The following NOS1 variants were observed in gnomAD, a reference collection of about 807,000 sequenced individuals.
NOS1 encodes nitric oxide synthase 1, also known as NOS type I.
Under a neutral mutation model 164.5 loss-of-function variants are expected in NOS1, and 51 were observed. That is an observed-to-expected ratio of 0.31 (90% CI 0.25 to 0.39). The LOEUF is 0.39. NOS1 is among the 10% of genes least tolerant of loss of function. The pLI is 1.00. For missense variants in NOS1, 1,362 were observed against 1,885.6 expected, an observed-to-expected ratio of 0.72 and a Z score of 5.14; for synonymous variants, 719 against 745.8, an observed-to-expected ratio of 0.96 and a Z score of 0.59.
At chr12:117,222,680 T>G (rs1204844073) in intron 26 of NOS1, 35 bp downstream of exon 26, 10 of 1,606,036 alleles carry the variant, frequency 6.2e-6, no homozygotes, top group Middle Eastern at 3.6e-4. Context: ...GCATGTGTGT[T>G]GGGCTGGGCT....
chr12:117,272,751 G>A lies in NOS1; in HGVS notation c.1665-192C>T, dbSNP rs1055997388. The stretch of plus-strand genomic sequence containing the variant: ...GGGCCTGAGAATGTGCATTTTTAAC[G>A]TATTTCTCAGGTGCTTCGGATGGAT... On this transcript the variant is annotated intron_variant, in intron 9 of 28. Coordinates refer to ENST00000317775, the MANE Select transcript of NOS1 (RefSeq NM_000620.5). This position sits in a 1 kb window ranked among gnomAD's most constrained non-coding sequence, Gnocchi z 4.3. Among the ~76,000 whole-genome samples the A allele has an allele frequency of 7.9e-5, 12 of 152,170 alleles. No individual in the cohort carries two copies. Among genetic ancestry groups the A allele is most frequent in the African/African-American group, 1.9e-4 (8 of 41,422 alleles).
chr12:117,232,187 G>A (rs527765402), intron 21 of NOS1, 56 bp from the exon 22 acceptor site: 36 of 1,558,482 alleles, frequency 2.3e-5, no homozygotes, highest in African/African-American at 5.4e-5. Context: ...AGTCCAAGTC[G>A]GGGGTTCAGG....
chr12:117,282,558 C>A (rs1200887472), intron 7 of NOS1, among the ~76,000 whole-genome samples: 1 of 152,144 alleles, frequency 6.6e-6, no homozygotes, highest in Non-Finnish European at 1.5e-5. Context: ...TCTTTCTGAG[C>A]ACGGTTTTTA....
At chr12:117,261,661 A>G (rs1021051414) in intron 13 of NOS1, among the ~76,000 whole-genome samples, 2 of 152,276 alleles carry the variant, frequency 1.3e-5, no homozygotes, top group Admixed American at 6.5e-5. Context: ...ATCTATCAAA[A>G]GAAGTTATGG....
Position 117,330,276 on chromosome 12 carries a change from A to T in NOS1, c.725+69T>A. 1 of 1,511,974 alleles carries T rather than the reference A, an allele frequency of 6.6e-7. No individual in the cohort carries two copies. 93.7% of individuals were successfully genotyped at this position (1,511,974 alleles called of 1,614,324 possible). A position where few individuals can be genotyped will look rare whatever the true frequency, so the allele number is the denominator to read the frequency against. On this transcript the variant is annotated intron_variant, in intron 2 of 28. Coordinates refer to ENST00000317775, the MANE Select transcript of NOS1 (RefSeq NM_000620.5). The surrounding 1 kb of genome is among the most constrained non-coding windows in gnomAD (Gnocchi z 4.6). ...GGGCTATGAGGCTGAGTCTCAGTAG[A>T]CGCACATGCACACACACAAGCATGC...
At chr12:117,322,754 C>CA (rs1875043099) in intron 2 of NOS1, among the ~76,000 whole-genome samples, 2 of 117,524 alleles carry the variant, frequency 1.7e-5, no homozygotes, top group Non-Finnish European at 3.6e-5. Context: ...TCCCCACTTC[C>CA]TTCCCTCCTT....
rs368224109 is a variant in NOS1, at chr12:117,240,993, A to G, written c.3041+1634T>C. Reference sequence around the variant, plus strand: ...CTCATTCCGTCGCCCAGGCTGGAGTACAGTGGTGCAACCTTGGCTCACTGC... The same window carrying G: ...CTCATTCCGTCGCCCAGGCTGGAGTGCAGTGGTGCAACCTTGGCTCACTGC... On this transcript the variant is annotated intron_variant, in intron 20 of 28. Coordinates refer to ENST00000317775, the MANE Select transcript of NOS1 (RefSeq NM_000620.5). Among the ~76,000 whole-genome samples the G allele has an allele frequency of 4.8e-5, 7 of 146,242 alleles. No individual in the cohort carries two copies. The South Asian group carries it at 6.4e-4, about 13-fold the overall frequency.
chr12:117,324,843 T>C (rs1002878569), intron 2 of NOS1, among the ~76,000 whole-genome samples: 2 of 152,174 alleles, frequency 1.3e-5, no homozygotes, highest in Non-Finnish European at 2.9e-5. Flanking sequence ...GCCACCTTCC[T>C]CCTGGGATGA....
chr12:117,302,422 A>G lies in NOS1; in HGVS notation c.852+9044T>C, dbSNP rs771811557. 6.8e-4 allele frequency among the ~76,000 whole-genome samples: 104 copies of G among 152,032 alleles called. 2 individuals are homozygous for G. The highest frequency in any genetic ancestry group is 6.7e-3 in the Admixed American group (102 of 15,280). On this transcript the variant is annotated intron_variant, in intron 3 of 28. Coordinates refer to ENST00000317775, the MANE Select transcript of NOS1 (RefSeq NM_000620.5). ...ATCCTGGCTAACATGGTGAAACCCC[A>G]TCTCTACTAAAAATACAAAAAATTA...
intron 10 of NOS1, among the ~76,000 whole-genome samples, chr12:117,270,161 A>C (rs1301573648): frequency 1.3e-5 from 2 of 152,240 alleles, no homozygotes; most frequent in Admixed American, 1.3e-4. Context: ...CCCAATAGCA[A>C]GTGCATTAAT....
chr12:117,250,524 T>C (rs1871013818), intron 17 of NOS1, among the ~76,000 whole-genome samples: 1 of 152,058 alleles, frequency 6.6e-6, no homozygotes. Flanking sequence ...AGATGGGGTT[T>C]CACCATGTTG....
chr12:117,307,878 G>C (rs1874231602), intron 3 of NOS1, among the ~76,000 whole-genome samples: 1 of 151,950 alleles, frequency 6.6e-6, no homozygotes, highest in African/African-American at 2.4e-5. Context: ...ACCCGAGTGT[G>C]GTGGCACACA....
rs754414419 is a variant in NOS1, at chr12:117,278,056, C to T, written c.1567G>A (p.Asp523Asn). Residue 523 changes from aspartate (D) to asparagine (N), a missense_variant, in exon 9 of 29, where the codon GAT (aspartate) becomes AAT (asparagine). This residue lies in a region of NOS1 where 134 missense variants were observed against 267.3 expected (regional missense o/e 0.50). Transcript: ENST00000317775. ...GCCTGAAGCAGGAGCGGCAGGACAT[C>T]GAAGCGGCCTCTAGGCGGTTTCCAG... ...QGWKPPRGRF[D>N]VLPLLLQANG... is the part of the protein sequence containing the mutation. The T allele has an allele frequency of 6.2e-7, 1 of 1,613,984 alleles. No individual in the cohort carries two copies.
intron 20 of NOS1, among the ~76,000 whole-genome samples, chr12:117,240,666 T>C (rs1870089808): frequency 6.6e-6 from 1 of 152,226 alleles, no homozygotes; most frequent in Non-Finnish European, 1.5e-5. Flanking sequence ...TAAAAGATCC[T>C]GGACAGAGGA....
chr12:117,359,851 G>T (rs1214160021), intron 1 of NOS1, among the ~76,000 whole-genome samples: 1 of 123,284 alleles, frequency 8.1e-6, no homozygotes, highest in Non-Finnish European at 1.7e-5. Context: ...CCCAGATCCG[G>T]TCCCAGAGCA....
chr12:117,310,048 G>A (rs182063285), intron 3 of NOS1, among the ~76,000 whole-genome samples: 17 of 152,218 alleles, frequency 1.1e-4, no homozygotes, highest in African/African-American at 4.1e-4. Context: ...CTGGGACAAC[G>A]GGCATGTGCC....
At position 117,212,878 on chromosome 12, in the gene NOS1, C is replaced by A; in HGVS notation, c.*2431G>T. 1 of 985,326 alleles carries A rather than the reference C, an allele frequency of 1.0e-6. No homozygotes were observed. Among genetic ancestry groups the A allele is most frequent in the Non-Finnish European group, 1.2e-6 (1 of 829,926 alleles). 61.0% of individuals were successfully genotyped at this position (985,326 alleles called of 1,614,324 possible). ...AGGCTTTTGGTATCAGGAATTCTGG[C>A]AAATGAAAGAAACACATCAGATCGC... On this transcript the variant is annotated 3_prime_UTR_variant, in exon 29 of 29. Coordinates refer to ENST00000317775, the MANE Select transcript of NOS1 (RefSeq NM_000620.5).
At chr12:117,327,267 G>A (rs1296174306) in intron 2 of NOS1, among the ~76,000 whole-genome samples, 3 of 152,202 alleles carry the variant, frequency 2.0e-5, no homozygotes, top group Admixed American at 6.5e-5. Flanking sequence ...AGGGAGCACT[G>A]AGGGACAGGG....
intron 7 of NOS1, among the ~76,000 whole-genome samples, chr12:117,281,409 A>C (rs1656921684): frequency 6.7e-6 from 1 of 149,798 alleles, no homozygotes; most frequent in Non-Finnish European, 1.5e-5. Flanking sequence ...AATCCCAGCT[A>C]CTTGGGAGGC....
Sources: allele counts gnomAD v4.1 joint callset (sites outside exome capture counted in the v4.1 genomes callset), GRCh38; gene constraint gnomAD v4.1.1; regional missense constraint gnomAD v4.1.1; non-coding constraint Gnocchi (gnomAD v3.1); transcripts MANE v1.5; gene names NCBI Gene and HGNC (gene_info 2026-07-23, HGNC 2026-07-21).